Variants in LMF1 observed in about 807,000 individuals in gnomAD.
The protein encoded by LMF1 is lipase maturation factor 1.
Under a neutral mutation model 60.6 loss-of-function variants are expected in LMF1, and 68 were observed. That is an observed-to-expected ratio of 1.12 (90% CI 0.92 to 1.37). LMF1 has a LOEUF of 1.37. Ranked by LOEUF, LMF1 falls within the 40% of genes most tolerant of loss-of-function variation. LMF1 has a pLI of 0.00. For synonymous variants in LMF1, 418 were observed against 324.7 expected (o/e 1.29, Z -3.09); for missense variants, 948 against 767.2 (o/e 1.24, Z -2.78).
chr16:868,863 G>A, intron 10 of LMF1, 81 bp downstream of exon 10: 1 of 896,718 alleles, frequency 1.1e-6, no homozygotes, highest in Non-Finnish European at 1.8e-6. Flanking sequence ...GCAGGTGGGG[G>A]TGCAGGTACA....
chr16:953,967 TC>T (rs2072582813), intron 2 of LMF1, among the ~76,000 whole-genome samples: 2 of 46,596 alleles, frequency 4.3e-5, no homozygotes, highest in Admixed American at 2.3e-4. Context: ...CAAACCAGCC[TC>T]CTACATGTCC....
At chr16:908,593 C>A (rs2071027296) in intron 4 of LMF1, among the ~76,000 whole-genome samples, 1 of 152,244 alleles carries the variant, frequency 6.6e-6, no homozygotes, top group Non-Finnish European at 1.5e-5. Flanking sequence ...GCAGGTCAGG[C>A]CCTGCTGCCT....
At position 962,492 on chromosome 16, in the gene LMF1, G is replaced by A. The variant is rs1597083512; in HGVS notation, c.194-7826C>T. The stretch of plus-strand genomic sequence containing the variant: ...GGGCACACCTGGCAGGCAGACCTTG[G>A]CCGGGTGATCAGAAAGCCGTGCGGA... On this transcript the variant is annotated intron_variant, in intron 1 of 10. Transcript: ENST00000262301. This position sits in a 1 kb window ranked among gnomAD's most constrained non-coding sequence, Gnocchi z 4.5. 6.6e-6 allele frequency among the ~76,000 whole-genome samples: 1 copy of A among 152,332 alleles called. No homozygotes were observed. Among genetic ancestry groups the A allele is most frequent in the East Asian group, 1.9e-4 (1 of 5,166 alleles).
intron 1 of LMF1, among the ~76,000 whole-genome samples, chr16:964,373 T>C (rs1412698341): frequency 6.6e-6 from 1 of 151,920 alleles, no homozygotes; most frequent in Non-Finnish European, 1.5e-5. Context: ...TGTTGTAAGA[T>C]TAAAACAGTC....
intron 4 of LMF1, among the ~76,000 whole-genome samples, chr16:906,706 T>A (rs896639171): frequency 6.6e-6 from 1 of 152,222 alleles, no homozygotes; most frequent in South Asian, 2.1e-4. Context: ...ATTACGATCA[T>A]TTTTCAGTAA....
rs12930994 is a variant in LMF1 at position 868,789 on chromosome 16, C to G, written c.1529+155G>C. Among the ~76,000 whole-genome samples, 308 of 135,722 alleles carry G rather than the reference C, an allele frequency of 2.3e-3. 2 individuals carry two copies. Among genetic ancestry groups the G allele is most frequent in the Middle Eastern group, 0.011 (3 of 276 alleles). 89.0% of individuals were successfully genotyped at this position (135,722 alleles called of 152,430 possible). A position where few individuals can be genotyped will look rare whatever the true frequency, so the allele number is the denominator to read the frequency against. Reference sequence around the variant, plus strand: ...GCTGATGTGGGGCGGGGGGGGGGGGCCCTTTTTGCTCCCAGCAGGCCCCAC... The same window carrying G: ...GCTGATGTGGGGCGGGGGGGGGGGGGCCTTTTTGCTCCCAGCAGGCCCCAC... On this transcript the variant is annotated intron_variant, in intron 10 of 10. Transcript: ENST00000262301.
chr16:951,882 C>T (rs2072480111), intron 2 of LMF1, among the ~76,000 whole-genome samples: 1 of 152,242 alleles, frequency 6.6e-6, no homozygotes, highest in South Asian at 2.1e-4. Context: ...GCAGAGACAG[C>T]TCATGTGAAC....
At position 893,053 on chromosome 16, in the gene LMF1, C is replaced by G. The variant is rs754772870; in HGVS notation, c.683G>C (p.Gly228Ala). ...GGTGAGGTCTCGCCAGCACCGGTCC[C>G]CCCGGATCTTGATCAGGCCCTGCAA... The part of the protein sequence containing the change: ...MLGAGLIKIR[G>A]DRCWRDLTCM... Residue 228 changes from glycine to alanine, a missense_variant, in exon 5 of 11, where the codon GGG (glycine) becomes GCG (alanine). Gly to Ala is a moderately conservative substitution (Grantham distance 60). Coordinates refer to ENST00000262301, the MANE Select transcript of LMF1 (RefSeq NM_022773.4). 1 of 1,553,940 alleles carries G rather than the reference C, an allele frequency of 6.4e-7. No individual in the cohort carries two copies.
intron 3 of LMF1, among the ~76,000 whole-genome samples, chr16:917,667 C>G (rs1235089440): frequency 6.6e-6 from 1 of 152,238 alleles, no homozygotes; most frequent in Non-Finnish European, 1.5e-5. Context: ...AAGAGACATG[C>G]CTGCCCCCGT....
chr16:967,046 G>A (rs1001012217), intron 1 of LMF1, among the ~76,000 whole-genome samples: 1 of 152,196 alleles, frequency 6.6e-6, no homozygotes, highest in Middle Eastern at 3.2e-3. Flanking sequence ...GTCTTCAGTA[G>A]CACCTGCAAG....
At chr16:976,530 C>T (rs760733682) in intron 1 of LMF1, 57 of 453,974 alleles carry the variant, frequency 1.3e-4, no homozygotes, top group South Asian at 8.7e-4. Context: ...TGCTCACCTC[C>T]CTGGCTGCTT....
chr16:898,561 C>T (rs2151738450), intron 4 of LMF1, among the ~76,000 whole-genome samples: 1 of 152,382 alleles, frequency 6.6e-6, no homozygotes, highest in African/African-American at 2.4e-5. Flanking sequence ...GGGGTGGCAG[C>T]CAGGCCGTGT....
chr16:906,719 C>T (rs1342585338), intron 4 of LMF1, among the ~76,000 whole-genome samples: 1 of 152,196 alleles, frequency 6.6e-6, no homozygotes, highest in Non-Finnish European at 1.5e-5. Context: ...TTCAGTAAAT[C>T]CTGGAATCAA....
In LMF1 at chr16:870,640, C is replaced by CT; in HGVS notation, c.1232+88dup. On this transcript the variant is annotated intron_variant, in intron 8 of 10. Transcript: ENST00000262301. ...AGGGGACACTTGGGGTCATGGGGGCCTGCACTGTAACCCCACCTGAATGTG... is the reference window on the plus strand; with the variant it reads ...AGGGGACACTTGGGGTCATGGGGGCCTTGCACTGTAACCCCACCTGAATGTG... The CT allele has an allele frequency of 2.0e-6, 3 of 1,476,624 alleles. No individual in the cohort carries two copies. The South Asian group carries it at 3.5e-5, about 17-fold the overall frequency. 91.5% of individuals were successfully genotyped at this position (1,476,624 alleles called of 1,614,324 possible).
chr16:962,514 C>T lies in LMF1; in HGVS notation c.194-7848G>A, dbSNP rs557774390. Reference sequence around the variant, plus strand: ...TTGGCCGGGTGATCAGAAAGCCGTGCGGACGTCAGGACCCTGATACGGTGT... The same window carrying T: ...TTGGCCGGGTGATCAGAAAGCCGTGTGGACGTCAGGACCCTGATACGGTGT... On this transcript the variant is annotated intron_variant, in intron 1 of 10. Coordinates refer to ENST00000262301, the MANE Select transcript of LMF1 (RefSeq NM_022773.4). This position sits in a 1 kb window ranked among gnomAD's most constrained non-coding sequence, Gnocchi z 4.5. 7.9e-5 allele frequency among the ~76,000 whole-genome samples: 12 copies of T among 152,316 alleles called. No individual in the cohort carries two copies. The highest frequency in any genetic ancestry group is 1.3e-4 in the Admixed American group (2 of 15,298).
intron 10 of LMF1, chr16:854,938 G>A: frequency 1.7e-6 from 1 of 588,880 alleles, no homozygotes; most frequent in Non-Finnish European, 3.0e-6. Context: ...AGGGCGGACG[G>A]GGGGCAGCTC....
chr16:873,133 G>A (rs2069851141), intron 6 of LMF1: 1 of 152,286 alleles, frequency 6.6e-6, no homozygotes, highest in Admixed American at 6.5e-5. Flanking sequence ...CAGCTGCTCT[G>A]GTGCATCTCT....
intron 1 of LMF1, among the ~76,000 whole-genome samples, chr16:978,258 C>T (rs1039025913): frequency 2.0e-5 from 3 of 151,422 alleles, no homozygotes; most frequent in African/African-American, 7.3e-5. Context: ...TATACACGCA[C>T]CATACACACT....
intron 6 of LMF1, among the ~76,000 whole-genome samples, chr16:877,010 C>T (rs980427901): frequency 7.2e-5 from 11 of 152,216 alleles, no homozygotes; most frequent in African/African-American, 2.7e-4. Context: ...CATGACCTTG[C>T]TCCCCGCTGT....
Sources: allele counts gnomAD v4.1 joint callset (sites outside exome capture counted in the v4.1 genomes callset), GRCh38; gene constraint gnomAD v4.1.1; non-coding constraint Gnocchi (gnomAD v3.1); transcripts MANE v1.5; gene names NCBI Gene and HGNC (gene_info 2026-07-23, HGNC 2026-07-21).